Variants in RAB13 observed in about 807,000 individuals in gnomAD.
RAB13 encodes ras-related protein Rab-13.
Under a neutral mutation model 29.3 loss-of-function variants are expected in RAB13, and 15 were observed. The observed-to-expected ratio is 0.51, with a 90% CI of 0.34 to 0.79. The LOEUF is 0.79. RAB13 is among the 30% of genes least tolerant of loss of function. The probability of loss-of-function intolerance (pLI) is 0.01; values close to 1 mark genes in which losing one functional copy is unlikely to be tolerated. For synonymous variants in RAB13, 82 were observed against 93.8 expected, an observed-to-expected ratio of 0.87 and a Z score of 0.73; for missense variants, 186 against 255.5, an observed-to-expected ratio of 0.73 and a Z score of 1.85.
In RAB13 at chr1:153,986,218, G is replaced by C; in HGVS notation, c.19C>G (p.His7Asp). The C allele has an allele frequency of 6.2e-7, 1 of 1,613,362 alleles. No individual in the cohort carries two copies. The highest frequency in any genetic ancestry group is 8.5e-7 in the Non-Finnish European group (1 of 1,179,708). MAKAYD[H>D]LFKLLLIGDS... ...CCGATCAGCAGCAACTTGAAGAGGT[G>C]GTCGTAGGCTTTGGCCATGGCGGAC... The change falls in exon 1 of 8, where the codon CAC becomes GAC. Residue 7 changes from histidine (H) to aspartate (D), a missense_variant. Physicochemically the swap from His to Asp is moderately conservative, Grantham distance 81 (BLOSUM62 -1). Transcript: ENST00000368575.
chr1:153,987,968 T>A (rs943040659), upstream of RAB13, among the ~76,000 whole-genome samples: 3 of 151,500 alleles, frequency 2.0e-5, no homozygotes, highest in African/African-American at 4.8e-5. Flanking sequence ...CAAAAAAATT[T>A]TTTATTTATT....
chr1:153,986,988 C>T (rs72633643), upstream of RAB13, among the ~76,000 whole-genome samples: 301 of 152,312 alleles, frequency 2.0e-3, 12 homozygotes, highest in East Asian at 0.049. Flanking sequence ...TACCTAGACA[C>T]ATCCTGGGGC....
intron 2 of RAB13, among the ~76,000 whole-genome samples, chr1:153,984,440 C>T (rs1341150263): frequency 6.6e-6 from 1 of 152,142 alleles, no homozygotes; most frequent in Admixed American, 6.5e-5. Flanking sequence ...CTGCTCACAG[C>T]CTGTTTCCAT....
At chr1:153,987,261 CT>C (rs1219051900), upstream of RAB13, among the ~76,000 whole-genome samples, 1 of 151,946 alleles carries the variant, frequency 6.6e-6, no homozygotes, top group Non-Finnish European at 1.5e-5. Context: ...AATCCCAGCA[CT>C]TTGGGAGGCC....
At chr1:153,987,515 CA>C (rs775480072), upstream of RAB13, among the ~76,000 whole-genome samples, 42 of 97,032 alleles carry the variant, frequency 4.3e-4, no homozygotes, top group Non-Finnish European at 5.1e-4. Context: ...GACTCCGTCT[CA>C]AAAAAAAAAA....
intron 1 of RAB13, among the ~76,000 whole-genome samples, chr1:153,985,653 C>T (rs1177721254): frequency 6.6e-6 from 1 of 152,040 alleles, no homozygotes; most frequent in Non-Finnish European, 1.5e-5. Flanking sequence ...GGGCAGGGAA[C>T]CTGGGAAGTA....
chr1:153,990,529 C>G (rs902804195), upstream of RAB13, among the ~76,000 whole-genome samples: 8 of 152,166 alleles, frequency 5.3e-5, no homozygotes, highest in African/African-American at 1.9e-4. Context: ...TAAAAGTGTC[C>G]ATTTATCCCT....
At chr1:153,982,653 T>C (rs1649024196) in intron 5 of RAB13, 53 bp from the exon 6 acceptor site, 9 of 1,609,820 alleles carry the variant, frequency 5.6e-6, no homozygotes, top group Non-Finnish European at 7.7e-6. Context: ...AGCCAAGTCC[T>C]CTGCAATGCA....
intron 1 of RAB13, chr1:153,985,171 C>T: frequency 9.9e-7 from 1 of 1,014,872 alleles, no homozygotes; most frequent in South Asian, 3.9e-5. Context: ...CTCTTGGTAT[C>T]CCACCTACCC....
chr1:153,983,164 C>A, intron 4 of RAB13, 55 bp downstream of exon 4: 4 of 1,465,068 alleles, frequency 2.7e-6, no homozygotes, highest in Non-Finnish European at 3.8e-6. Context: ...CCTGATGGAC[C>A]CCTTCATTCT....
intron 7 of RAB13, 90 bp from the exon 8 acceptor site, chr1:153,982,266 G>A (rs1385595522): frequency 3.6e-5 from 55 of 1,508,910 alleles, no homozygotes; most frequent in Non-Finnish European, 5.1e-5. Context: ...ACCCTCATGA[G>A]AAATCTTAGC....
At chr1:153,988,452 CG>C (rs1649251732), upstream of RAB13, among the ~76,000 whole-genome samples, 2 of 148,470 alleles carry the variant, frequency 1.3e-5, no homozygotes, top group African/African-American at 4.9e-5. Context: ...CGCCACCACC[CG>C]GCTAATTTTT....
In RAB13 at chr1:153,981,907, CTCTCCCT is replaced by C. The variant is rs1383103384; in HGVS notation, c.*185_*191del. On this transcript the variant is annotated 3_prime_UTR_variant, in exon 8 of 8. Coordinates refer to ENST00000368575, the MANE Select transcript of RAB13 (RefSeq NM_002870.5). The stretch of plus-strand genomic sequence containing the variant: ...CTTCTTTCACTTCCTCAATTCATTC[CTCTCCCT>C]TCTCCCTTCCTCTCTCTTCCTTTTT... 2 of 609,484 alleles carry C rather than the reference CTCTCCCT, an allele frequency of 3.3e-6. No individual in the cohort carries two copies. Among genetic ancestry groups the C allele is most frequent in the Non-Finnish European group, 5.9e-6 (2 of 339,236 alleles). The allele number at this position is 609,484 out of a possible 1,614,324, so 37.8% of individuals were successfully genotyped here.
At chr1:153,985,450 C>A (rs748841895) in intron 1 of RAB13, 62 of 875,686 alleles carry the variant, frequency 7.1e-5, no homozygotes, top group Non-Finnish European at 8.1e-5. Flanking sequence ...CTCCCCCAAG[C>A]CTGCTGGGGG....
In RAB13 at chr1:153,983,525, G is replaced by A. The variant is rs1182978819; in HGVS notation, c.242C>T (p.Ala81Val). 1.0e-5 allele frequency: 16 copies of A among 1,606,730 alleles called. No individual in the cohort carries two copies. The highest frequency in any genetic ancestry group is 1.4e-5 in the Non-Finnish European group (16 of 1,173,462). ...GTTCAGACCCACACTTCATACCATG[G>A]CTCCACGGTAGTAGGCAGTAGTTAT... Reference protein sequence around the residue: ...KTITTAYYRGAMGIILVYDIT... With the variant: ...KTITTAYYRGVMGIILVYDIT... The change falls in exon 3 of 8, where the codon GCC (alanine) becomes GTC (valine). Residue 81 changes from alanine to valine, a missense_variant. Transcript: ENST00000368575.
intron 4 of RAB13, 193 bp downstream of exon 4, chr1:153,983,025 TG>T (rs779539207): frequency 1.3e-4 from 95 of 729,816 alleles, no homozygotes; most frequent in Admixed American, 3.4e-4. Flanking sequence ...CTTGGGAGGC[TG>T]AGGCAGGAAA....
Position 153,986,064 on chromosome 1 carries a change from AAGG to A in RAB13, c.124+46_124+48del, listed in dbSNP as rs747615930. 1.1e-5 allele frequency: 17 copies of A among 1,609,470 alleles called. No individual in the cohort carries two copies. The East Asian group carries it at 1.1e-4, about 11-fold the overall frequency. Reference sequence around the variant, plus strand: ...GTCACTAGTAATCCGGGAGCCGGAGAAGGAGGTCACAGGAGAGTCGGGGTCTGG... The same window carrying A: ...GTCACTAGTAATCCGGGAGCCGGAGAAGGTCACAGGAGAGTCGGGGTCTGG... On this transcript the variant is annotated intron_variant, in intron 1 of 7. Transcript: ENST00000368575.
chr1:153,985,178 A>G (rs1571129515), intron 1 of RAB13: 1 of 1,011,308 alleles, frequency 9.9e-7, no homozygotes, highest in Admixed American at 6.1e-5. Flanking sequence ...TATCCCACCT[A>G]CCCTCCTAGT....
Position 153,984,736 on chromosome 1 carries a change from A to G in RAB13, c.170T>C (p.Ile57Thr), listed in dbSNP as rs149988060. ...ACTGACTTACCAGACTTGTAGTTTG[A>G]TCTTCTTCCCCTCTATATCCACAGT... is the stretch of plus-strand genomic sequence containing the variant. ...IRTVDIEGKKIKLQVWDTAGQ... is the reference protein window; with the variant it reads ...IRTVDIEGKKTKLQVWDTAGQ... Residue 57 changes from isoleucine (I) to threonine (T), a missense_variant, in exon 2 of 8, where the codon ATC becomes ACC. By Grantham distance (89) the Ile-to-Thr change is moderately conservative. Transcript: ENST00000368575. 1.2e-6 allele frequency: 2 copies of G among 1,613,662 alleles called. No individual in the cohort carries two copies. The highest frequency in any genetic ancestry group is 1.7e-6 in the Non-Finnish European group (2 of 1,179,764).
Sources: allele counts gnomAD v4.1 joint callset (sites outside exome capture counted in the v4.1 genomes callset), GRCh38; gene constraint gnomAD v4.1.1; transcripts MANE v1.5; gene names NCBI Gene and HGNC (gene_info 2026-07-23, HGNC 2026-07-21).